The following CAMK1D variants were observed in gnomAD, a reference collection of about 807,000 sequenced individuals.
CAMK1D encodes calcium/calmodulin-dependent protein kinase type 1D.
CAMK1D carries 9 observed loss-of-function variants against 47.7 expected under a neutral mutation model. The observed-to-expected ratio is 0.19, with a 90% CI of 0.11 to 0.33. The LOEUF (loss-of-function observed/expected upper bound fraction) is 0.33. CAMK1D is among the 10% of genes least tolerant of loss of function. CAMK1D has a pLI of 1.00. For synonymous variants in CAMK1D, 184 were observed against 184.9 expected, an observed-to-expected ratio of 0.99 and a Z score of 0.04; for missense variants, 291 against 488.7, an observed-to-expected ratio of 0.60 and a Z score of 3.81.
At chr10:12,553,465 A>G in intron 2 of CAMK1D, 109 bp downstream of exon 2, 1 of 843,798 alleles carries the variant, frequency 1.2e-6, no homozygotes, top group Non-Finnish European at 2.0e-6. Context: ...GGGCCCCCAG[A>G]GGACCCAGGC....
In CAMK1D at chr10:12,466,830, A is replaced by C. The variant is rs185746717; in HGVS notation, c.93-86395A>C. Among the ~76,000 whole-genome samples the C allele has an allele frequency of 1.6e-3, 250 of 152,216 alleles. No homozygotes were observed. The Middle Eastern group carries it at 0.017, about 10-fold the overall frequency. On this transcript the variant is annotated intron_variant, in intron 1 of 10. Transcript: ENST00000619168. The stretch of plus-strand genomic sequence containing the variant: ...GCGGCAGCTACACAGGGCTTCTTAC[A>C]CGAGCTGAGAGCGACATCTGGTCCA...
chr10:12,629,035 G>A (rs1281971255), intron 2 of CAMK1D, among the ~76,000 whole-genome samples: 3 of 152,200 alleles, frequency 2.0e-5, no homozygotes, highest in African/African-American at 7.2e-5. Flanking sequence ...TTGCTTCCGG[G>A]TCTGGGCAGT....
Position 12,828,866 on chromosome 10 carries a change from A to T in CAMK1D, c.1137A>T (p.Ala379=). The stretch of plus-strand genomic sequence containing the variant: ...GACCCAGGCCCACCACTGTGACGGC[A>T]GTGCACTCTGGAAGCAAGTGACTGG... ...ERRPRPTTVT[A]VHSGSK The change falls in exon 11 of 11, where the codon GCA becomes GCT. Residue 379 remains alanine (A), a synonymous_variant. Transcript: ENST00000619168. The T allele has an allele frequency of 6.2e-7, 1 of 1,612,234 alleles. No individual in the cohort carries two copies. The highest frequency in any genetic ancestry group is 8.5e-7 in the Non-Finnish European group (1 of 1,179,232).
chr10:12,433,214 GA>G (rs1160311950), intron 1 of CAMK1D, among the ~76,000 whole-genome samples: 1 of 152,278 alleles, frequency 6.6e-6, no homozygotes, highest in East Asian at 1.9e-4. Context: ...TCTCCCTGCT[GA>G]AAACCTTTCC....
rs377242276 is a variant in CAMK1D, at chr10:12,410,455, T to C, written c.92+60545T>C. On this transcript the variant is annotated intron_variant, in intron 1 of 10. Coordinates refer to ENST00000619168, the MANE Select transcript of CAMK1D (RefSeq NM_153498.4). ...TCCTGAAGGTGTTGACAGGAAAAGC[T>C]AGCCTCGGCCCTCCATTACTCTCAG... Among the ~76,000 whole-genome samples, 162 of 152,314 alleles carry C rather than the reference T, an allele frequency of 1.1e-3. 1 individual carries two copies. The highest frequency in any genetic ancestry group is 3.7e-3 in the African/African-American group (153 of 41,568).
chr10:12,432,864 C>G (rs1377724780), intron 1 of CAMK1D, among the ~76,000 whole-genome samples: 2 of 152,220 alleles, frequency 1.3e-5, no homozygotes, highest in Non-Finnish European at 2.9e-5. Flanking sequence ...CCCACCTGCT[C>G]CCAAGATGGT....
intron 1 of CAMK1D, among the ~76,000 whole-genome samples, chr10:12,464,814 TA>T (rs11286227): frequency 0.67 from 94,980 of 142,292 alleles, 31,506 homozygotes; most frequent in African/African-American, 0.71. Flanking sequence ...GACTCCATCT[TA>T]AAAAAAAAAA....
At chr10:12,800,075 T>C (rs964085258) in intron 6 of CAMK1D, among the ~76,000 whole-genome samples, 2 of 152,204 alleles carry the variant, frequency 1.3e-5, no homozygotes, top group African/African-American at 4.8e-5. Flanking sequence ...ACCAGTACTT[T>C]GCCGGAGTCA....
chr10:12,573,048 G>T (rs1837375311), intron 2 of CAMK1D, among the ~76,000 whole-genome samples: 1 of 152,236 alleles, frequency 6.6e-6, no homozygotes, highest in Admixed American at 6.5e-5. Flanking sequence ...CTGGGAGAAT[G>T]CTGGGACCAT....
At chr10:12,711,568 G>C (rs371569867) in intron 3 of CAMK1D, among the ~76,000 whole-genome samples, 1 of 152,174 alleles carries the variant, frequency 6.6e-6, no homozygotes, top group Non-Finnish European at 1.5e-5. Flanking sequence ...GGTATTTGCT[G>C]CTTCTTGGTA....
chr10:12,555,286 G>C (rs1588628033), intron 2 of CAMK1D, among the ~76,000 whole-genome samples: 1 of 152,222 alleles, frequency 6.6e-6, no homozygotes, highest in African/African-American at 2.4e-5. Flanking sequence ...ACCCAGCACT[G>C]CTGAGAGGGC....
At chr10:12,610,948 A>G (rs1036632612) in intron 2 of CAMK1D, among the ~76,000 whole-genome samples, 2 of 152,204 alleles carry the variant, frequency 1.3e-5, no homozygotes, top group Non-Finnish European at 2.9e-5. Context: ...GGAACAGGTA[A>G]TAGCAGCAAA....
intron 1 of CAMK1D, among the ~76,000 whole-genome samples, chr10:12,362,226 C>A (rs1401923792): frequency 3.3e-5 from 5 of 152,096 alleles, no homozygotes; most frequent in Non-Finnish European, 7.3e-5. Flanking sequence ...ACCTCCACTC[C>A]ACCTATGAAA....
chr10:12,385,514 G>T (rs947541038), intron 1 of CAMK1D, among the ~76,000 whole-genome samples: 1 of 152,154 alleles, frequency 6.6e-6, no homozygotes, highest in Non-Finnish European at 1.5e-5. Flanking sequence ...ACTACATACT[G>T]TGTGATTCCA....
chr10:12,513,011 C>T lies in CAMK1D; in HGVS notation c.93-40214C>T, dbSNP rs187169805. On this transcript the variant is annotated intron_variant, in intron 1 of 10. Transcript: ENST00000619168. The stretch of plus-strand genomic sequence containing the variant: ...ACAGTGGGGATGGTGTTGTCTTTCC[C>T]TCACGAGCAGGAGAGGTTTGGATTG... Among the ~76,000 whole-genome samples, 65 of 152,318 alleles carry T rather than the reference C, an allele frequency of 4.3e-4. 1 individual carries two copies. In the East Asian group the frequency reaches 0.011, roughly 25 times the overall value.
chr10:12,404,723 C>T (rs1839351964), intron 1 of CAMK1D, among the ~76,000 whole-genome samples: 4 of 149,780 alleles, frequency 2.7e-5, no homozygotes, highest in African/African-American at 9.9e-5. Flanking sequence ...GAGATGGAGT[C>T]TCACTCTGTC....
intron 6 of CAMK1D, among the ~76,000 whole-genome samples, chr10:12,801,894 A>T (rs1225782141): frequency 6.6e-6 from 1 of 152,074 alleles, no homozygotes; most frequent in African/African-American, 2.4e-5. Flanking sequence ...CCCCAGTGTC[A>T]CTCACACAGT....
chr10:12,471,511 C>T (rs911779359), intron 1 of CAMK1D, among the ~76,000 whole-genome samples: 1 of 152,180 alleles, frequency 6.6e-6, no homozygotes, highest in African/African-American at 2.4e-5. Flanking sequence ...CAGCCTAAAA[C>T]CTGAGGAGGA....
chr10:12,694,329 AG>A lies in CAMK1D; in HGVS notation c.299+27520del, dbSNP rs1413093191. 4.4e-3 allele frequency among the ~76,000 whole-genome samples: 256 copies of A among 58,346 alleles called. 16 individuals are homozygous for A. The highest frequency in any genetic ancestry group is 0.011 in the South Asian group (20 of 1,740). 38.3% of individuals were successfully genotyped at this position (58,346 alleles called of 152,430 possible). On this transcript the variant is annotated intron_variant, in intron 3 of 10. Coordinates refer to ENST00000619168, the MANE Select transcript of CAMK1D (RefSeq NM_153498.4). ...AAAATATATAAAATATAATATATAA[AG>A]TATATATAATATATAACATATATAT... is the stretch of plus-strand genomic sequence containing the variant.
Sources: gnomAD v4.1 joint callset for allele counts (sites outside exome capture counted in the v4.1 genomes callset) on GRCh38, gnomAD v4.1.1 for gene constraint, MANE v1.5 for transcripts, NCBI Gene and HGNC (gene_info 2026-07-23, HGNC 2026-07-21) for gene names.